The following FAM107B variants were observed in gnomAD, a reference collection of about 807,000 sequenced individuals.
FAM107B encodes protein FAM107B.
A neutral mutation model predicts 31.5 loss-of-function variants in FAM107B; 21 were observed. The observed-to-expected ratio is 0.67, with a 90% confidence interval of 0.47 to 0.96. FAM107B has a LOEUF of 0.96. FAM107B is among the 40% of genes least tolerant of loss of function. The pLI, the probability that FAM107B is intolerant of heterozygous loss-of-function variation, is 0.00. For synonymous variants in FAM107B, 157 were observed against 141.5 expected, an observed-to-expected ratio of 1.11 and a Z score of -0.78; for missense variants, 452 against 377.1, an observed-to-expected ratio of 1.20 and a Z score of -1.64.
chr10:14,591,947 A>G (rs373337649), intron 2 of FAM107B, among the ~76,000 whole-genome samples: 13 of 151,918 alleles, frequency 8.6e-5, no homozygotes, highest in African/African-American at 2.9e-4. Flanking sequence ...GCATGGGGGG[A>G]AGGGGTGGGG....
In FAM107B at chr10:14,774,386, G is replaced by A. The variant is rs778239622; in HGVS notation, c.278C>T (p.Ser93Leu). 6.2e-7 allele frequency: 1 copy of A among 1,614,120 alleles called. No homozygotes were observed. Among genetic ancestry groups the A allele is most frequent in the Admixed American group, 1.7e-5 (1 of 60,010 alleles). ...GGGCTGGGCCGCAGTGCGGTGACTT[G>A]AATTCCGATTCGCACTGCCATTTCT... Reference protein sequence around the residue: ...AERNGSANRNSSHRTAAQPAE... With the variant: ...AERNGSANRNLSHRTAAQPAE... Residue 93 changes from serine (S) to leucine (L), a missense_variant, in exon 1 of 5, where the codon TCA becomes TTA. Coordinates refer to ENST00000181796, the MANE Select transcript of FAM107B (RefSeq NM_031453.4).
chr10:14,677,119 A>T (rs1413563610), intron 1 of FAM107B, among the ~76,000 whole-genome samples: 1 of 152,130 alleles, frequency 6.6e-6, no homozygotes, highest in Non-Finnish European at 1.5e-5. Context: ...ACAAGGGTTG[A>T]TCCCAGGAGC....
At chr10:14,632,766 C>T (rs1416559898) in intron 2 of FAM107B, among the ~76,000 whole-genome samples, 2 of 151,738 alleles carry the variant, frequency 1.3e-5, no homozygotes, top group South Asian at 2.1e-4. Context: ...GGGAGAGACA[C>T]GAGATGGCAC....
At chr10:14,743,597 T>A (rs1276404718) in intron 1 of FAM107B, among the ~76,000 whole-genome samples, 1 of 152,204 alleles carries the variant, frequency 6.6e-6, no homozygotes, top group Admixed American at 6.5e-5. Flanking sequence ...CCAGCACCAT[T>A]TATTAAATAG....
intron 2 of FAM107B, among the ~76,000 whole-genome samples, chr10:14,561,907 C>G (rs1483069938): frequency 2.0e-5 from 3 of 152,172 alleles, no homozygotes; most frequent in Non-Finnish European, 2.9e-5. Context: ...CCCTCAGCCT[C>G]CCGAGTAGCT....
chr10:14,572,188 A>G (rs1851280385), intron 2 of FAM107B: 13 of 985,338 alleles, frequency 1.3e-5, no homozygotes, highest in Non-Finnish European at 1.4e-5. Flanking sequence ...AGAGCAAACA[A>G]TGAAAAACAA....
At chr10:14,639,372 G>A (rs1853577567) in intron 2 of FAM107B, among the ~76,000 whole-genome samples, 3 of 151,998 alleles carry the variant, frequency 2.0e-5, no homozygotes, top group African/African-American at 7.3e-5. Flanking sequence ...TATCTGTTCT[G>A]GGTACAGTCC....
intron 2 of FAM107B, among the ~76,000 whole-genome samples, chr10:14,614,130 C>CAATA (rs1194874082): frequency 1.3e-5 from 2 of 151,838 alleles, no homozygotes; most frequent in African/African-American, 4.8e-5. Flanking sequence ...GACTCCATCT[C>CAATA]AATAAATAAA....
At chr10:14,550,268 T>C (rs572969860) in intron 2 of FAM107B, among the ~76,000 whole-genome samples, 4 of 152,200 alleles carry the variant, frequency 2.6e-5, no homozygotes, top group Non-Finnish European at 4.4e-5. Flanking sequence ...TCTGTCTGTC[T>C]CTCTCAAAAC....
chr10:14,728,935 C>T (rs1212319924), intron 1 of FAM107B, among the ~76,000 whole-genome samples: 2 of 152,146 alleles, frequency 1.3e-5, no homozygotes, highest in Non-Finnish European at 2.9e-5. Flanking sequence ...AAGTAAAATA[C>T]AAGCCAGGCA....
intron 1 of FAM107B, among the ~76,000 whole-genome samples, chr10:14,750,654 C>T (rs1343845613): frequency 1.3e-5 from 2 of 152,084 alleles, no homozygotes. Flanking sequence ...AAGGCAACAC[C>T]GTTCTAGTCT....
intron 2 of FAM107B, among the ~76,000 whole-genome samples, chr10:14,576,334 C>T (rs1851464676): frequency 6.6e-6 from 1 of 152,178 alleles, no homozygotes; most frequent in Admixed American, 6.5e-5. Flanking sequence ...CGAGACCAGC[C>T]TGGCAAACAT....
intron 1 of FAM107B, among the ~76,000 whole-genome samples, chr10:14,757,668 T>A (rs1832957370): frequency 6.6e-6 from 1 of 152,134 alleles, no homozygotes; most frequent in Non-Finnish European, 1.5e-5. Context: ...GGCTGCAATG[T>A]CACATAGTGA....
chr10:14,525,949 T>C (rs1192796124), intron 3 of FAM107B, among the ~76,000 whole-genome samples: 1 of 152,172 alleles, frequency 6.6e-6, no homozygotes, highest in African/African-American at 2.4e-5. Flanking sequence ...ACTAAATACA[T>C]TCAAGGGCAG....
rs35574582 is a variant in FAM107B at position 14,762,754 on chromosome 10, TCACACACA to T, written c.411+11491_411+11498del. The stretch of plus-strand genomic sequence containing the variant: ...CTGGGAGACAGAGTGAAACTCTGTC[TCACACACA>T]CACACACACACACACACACACACAC... On this transcript the variant is annotated intron_variant, in intron 1 of 4. Transcript: ENST00000181796. Among the ~76,000 whole-genome samples the T allele has an allele frequency of 5.7e-3, 666 of 116,228 alleles. 2 individuals are homozygous for T. The highest frequency in any genetic ancestry group is 0.013 in the South Asian group (41 of 3,112). 76.3% of individuals were successfully genotyped at this position (116,228 alleles called of 152,430 possible). A position where few individuals can be genotyped will look rare whatever the true frequency, so the allele number is the denominator to read the frequency against.
At chr10:14,571,147 G>A (rs1456208652) in intron 2 of FAM107B, among the ~76,000 whole-genome samples, 13 of 152,104 alleles carry the variant, frequency 8.5e-5, no homozygotes, top group Non-Finnish European at 1.8e-4. Context: ...ATGGTGGACA[G>A]CAGGGAGAGT....
chr10:14,604,357 G>C lies in FAM107B; in HGVS notation c.469+63277C>G, dbSNP rs1351313212. 1.7e-4 allele frequency: 107 copies of C among 627,054 alleles called. No individual in the cohort carries two copies. The South Asian group carries it at 6.9e-3, about 40-fold the overall frequency. The allele number at this position is 627,054 out of a possible 1,614,324, so 38.8% of individuals were successfully genotyped here. A position where few individuals can be genotyped will look rare whatever the true frequency, so the allele number is the denominator to read the frequency against. On this transcript the variant is annotated intron_variant, in intron 2 of 4. Transcript: ENST00000181796. ...GAGGCGGCGCGAGGGCGGCTCCGGG[G>C]GCGGCGGCCCGGCCCGCAAGCCAGT...
chr10:14,731,533 G>T (rs1383756674), intron 1 of FAM107B, among the ~76,000 whole-genome samples: 2 of 152,160 alleles, frequency 1.3e-5, no homozygotes, highest in East Asian at 1.9e-4. Flanking sequence ...CTGCACTCCA[G>T]CCTGGGTGAC....
intron 2 of FAM107B, among the ~76,000 whole-genome samples, chr10:14,535,082 A>T (rs1564535767): frequency 6.6e-6 from 1 of 152,348 alleles, no homozygotes; most frequent in East Asian, 1.9e-4. Context: ...TTTGCAAGCA[A>T]ATATTATTAC....
Sources: allele counts gnomAD v4.1 joint callset (sites outside exome capture counted in the v4.1 genomes callset), GRCh38; gene constraint gnomAD v4.1.1; transcripts MANE v1.5; gene names NCBI Gene and HGNC (gene_info 2026-07-23, HGNC 2026-07-21).